Variants in XKR9 observed in about 807,000 individuals in gnomAD.
XKR9 encodes XK related 9.
Under a neutral mutation model 32.0 loss-of-function variants are expected in XKR9, and 32 were observed. The ratio of observed to expected loss-of-function variants is 1.00; its 90% CI spans 0.76 to 1.34. XKR9 has a LOEUF of 1.34. Ranked by LOEUF, XKR9 falls within the 40% of genes most tolerant of loss-of-function variation. XKR9 has a pLI of 0.00. For synonymous variants in XKR9, 168 were observed against 143.4 expected (o/e 1.17, Z -1.22); for missense variants, 546 against 429.7 (o/e 1.27, Z -2.39).
chr8:70,730,595 A>T (rs1302297212), intron 4 of XKR9, among the ~76,000 whole-genome samples: 1 of 151,972 alleles, frequency 6.6e-6, no homozygotes, highest in Non-Finnish European at 1.5e-5. Context: ...TTTAAATAAG[A>T]TTTATAATCT....
chr8:71,050,280 GATATAGATATAGATATAT>G, the XKR9 span, among the ~76,000 whole-genome samples: 2,517 of 130,312 alleles, frequency 0.019, 60 homozygotes, highest in East Asian at 0.1. Flanking sequence ...GATAGATATA[GATATAGATATAGATATAT>G]ATATAGATAT....
At chr8:70,984,999 T>C in the XKR9 span, among the ~76,000 whole-genome samples, 6 of 152,316 alleles carry the variant, frequency 3.9e-5, no homozygotes, top group African/African-American at 1.4e-4. Flanking sequence ...GTATTCATAA[T>C]GATTGCTAAG....
chr8:70,760,436 G>A (rs1807291996), intron 2 of XKR9, among the ~76,000 whole-genome samples: 1 of 152,190 alleles, frequency 6.6e-6, no homozygotes, highest in South Asian at 2.1e-4. Context: ...ACAGCAGTTT[G>A]TGAGGCATTA....
At chr8:70,725,457 A>G (rs1563451077) in intron 4 of XKR9, among the ~76,000 whole-genome samples, 1 of 151,034 alleles carries the variant, frequency 6.6e-6, no homozygotes, top group Non-Finnish European at 1.5e-5. Flanking sequence ...AAATATGACA[A>G]TAGATGTCAG....
chr8:70,784,257 G>A (rs1807653655), intron 2 of XKR9, among the ~76,000 whole-genome samples: 2 of 152,082 alleles, frequency 1.3e-5, no homozygotes, highest in South Asian at 4.1e-4. Context: ...CTGGAATTTT[G>A]ATAGAGATTG....
the XKR9 span, among the ~76,000 whole-genome samples, chr8:70,860,339 C>A: frequency 1.3e-5 from 2 of 152,154 alleles, no homozygotes; most frequent in South Asian, 2.1e-4. Flanking sequence ...TGTGAAGATA[C>A]AACGAGAAGT....
chr8:70,777,717 G>A (rs890992447), intron 2 of XKR9, among the ~76,000 whole-genome samples: 6 of 152,110 alleles, frequency 3.9e-5, no homozygotes, highest in Admixed American at 3.9e-4. Flanking sequence ...GTGATGATGA[G>A]CATTTTTTTC....
chr8:70,821,695 T>C, the XKR9 span, among the ~76,000 whole-genome samples: 3 of 152,342 alleles, frequency 2.0e-5, no homozygotes, highest in East Asian at 5.8e-4. Flanking sequence ...GCTTGGGGCT[T>C]GCACCCTCTG....
the XKR9 span, among the ~76,000 whole-genome samples, chr8:70,837,795 G>GA: frequency 1.3e-5 from 2 of 152,022 alleles, no homozygotes; most frequent in Admixed American, 1.3e-4. Flanking sequence ...GAAGGCCATG[G>GA]AAAATGTGCA....
chr8:70,739,271 T>A (rs1806922699), downstream of XKR9, among the ~76,000 whole-genome samples: 1 of 152,328 alleles, frequency 6.6e-6, no homozygotes, highest in African/African-American at 2.4e-5. Flanking sequence ...GTCTCTTTTA[T>A]CAGAGACTAT....
intron 4 of XKR9, among the ~76,000 whole-genome samples, chr8:70,724,349 A>T (rs988702220): frequency 6.6e-6 from 1 of 151,504 alleles, no homozygotes; most frequent in Non-Finnish European, 1.5e-5. Context: ...GAGTGAGACC[A>T]CTTGGCTCCC....
chr8:70,718,284 T>C (rs1806157535), intron 4 of XKR9, among the ~76,000 whole-genome samples: 1 of 150,744 alleles, frequency 6.6e-6, no homozygotes, highest in Non-Finnish European at 1.5e-5. Flanking sequence ...ATTTTATTAA[T>C]CTATTTATTT....
chr8:70,700,708 T>C (rs1805492873), intron 3 of XKR9, among the ~76,000 whole-genome samples: 1 of 152,196 alleles, frequency 6.6e-6, no homozygotes, highest in African/African-American at 2.4e-5. Flanking sequence ...CACTGCTCTC[T>C]TCAAAGCTGT....
rs559262078 is a variant in XKR9, at chr8:70,704,209, A to G, written c.273-2724A>G. On this transcript the variant is annotated intron_variant, in intron 3 of 4. Transcript: ENST00000408926. ...AAAGAAATAAAATAAAATAAAATAA[A>G]CAATAAAATAAATAAATAAATAAGT... Among the ~76,000 whole-genome samples the G allele has an allele frequency of 3.3e-5, 5 of 151,944 alleles. No individual in the cohort carries two copies. In the East Asian group the frequency reaches 7.7e-4, roughly 23 times the overall value.
chr8:70,689,130 G>T (rs1021380608), intron 3 of XKR9, among the ~76,000 whole-genome samples: 1 of 152,096 alleles, frequency 6.6e-6, no homozygotes, highest in Non-Finnish European at 1.5e-5. Flanking sequence ...CTAGTCCTCT[G>T]ATATTTAAGC....
chr8:70,792,486 G>T (rs1424584500), downstream of XKR9, among the ~76,000 whole-genome samples: 4 of 152,102 alleles, frequency 2.6e-5, no homozygotes, highest in Admixed American at 6.6e-5. Flanking sequence ...CATGTACTGT[G>T]CCAGATGATG....
chr8:70,711,922 C>A (rs1805932631), intron 4 of XKR9, among the ~76,000 whole-genome samples: 1 of 144,298 alleles, frequency 6.9e-6, no homozygotes, highest in Non-Finnish European at 1.5e-5. Context: ...GTATACCTAA[C>A]CCCAGTGATA....
the XKR9 span, among the ~76,000 whole-genome samples, chr8:71,013,393 A>T: frequency 6.6e-6 from 1 of 152,204 alleles, no homozygotes; most frequent in African/African-American, 2.4e-5. Context: ...ACTGGTGGGC[A>T]GATGGTATTT....
the XKR9 span, among the ~76,000 whole-genome samples, chr8:70,836,481 T>G: frequency 2.6e-5 from 4 of 152,176 alleles, no homozygotes; most frequent in Non-Finnish European, 4.4e-5. Flanking sequence ...ATACTATTTT[T>G]GGGTCTCATC....
Sources: gnomAD v4.1 joint callset for allele counts (sites outside exome capture counted in the v4.1 genomes callset) on GRCh38, gnomAD v4.1.1 for gene constraint, MANE v1.5 for transcripts, NCBI Gene and HGNC (gene_info 2026-07-23, HGNC 2026-07-21) for gene names.